Variants in MAN2B2 observed in about 807,000 individuals in gnomAD.
The protein encoded by MAN2B2 is epididymis-specific alpha-mannosidase.
In MAN2B2, 106 loss-of-function variants were observed where a neutral mutation model predicts 117.1. The ratio of observed to expected loss-of-function variants is 0.90; its 90% CI spans 0.77 to 1.06. MAN2B2 has a LOEUF of 1.06. Ranked by LOEUF, MAN2B2 falls within the 50% of genes least tolerant of loss-of-function variation. The pLI, the probability that MAN2B2 is intolerant of heterozygous loss-of-function variation, is 0.00. For missense variants in MAN2B2, 1,326 were observed against 1,381.4 expected (o/e 0.96, Z 0.64); for synonymous variants, 544 against 595.1 (o/e 0.91, Z 1.25).
chr4:6,583,288 T>TA (rs1366663542), intron 3 of MAN2B2, among the ~76,000 whole-genome samples: 1 of 152,204 alleles, frequency 6.6e-6, no homozygotes, highest in Non-Finnish European at 1.5e-5. Flanking sequence ...TGCTGGGGAA[T>TA]AGAGTCTATT....
At chr4:6,597,454 G>T (rs1727148598) in intron 8 of MAN2B2, 151 bp downstream of exon 8, 2 of 877,700 alleles carry the variant, frequency 2.3e-6, no homozygotes, top group Non-Finnish European at 3.3e-6. Context: ...TACAAGGCCA[G>T]TGCATGGTGA....
intron 7 of MAN2B2, among the ~76,000 whole-genome samples, chr4:6,595,271 C>G (rs1047619534): frequency 1.3e-5 from 2 of 152,208 alleles, no homozygotes; most frequent in African/African-American, 2.4e-5. Context: ...TGAAACCACC[C>G]TGTCTCCAAA....
Position 6,621,556 on chromosome 4 carries a change from C to G in MAN2B2, c.*271C>G, listed in dbSNP as rs150044496. 2 of 361,346 alleles carry G rather than the reference C, an allele frequency of 5.5e-6. No homozygotes were observed. The highest frequency in any genetic ancestry group is 7.5e-4 in the Middle Eastern group (1 of 1,332). The allele number at this position is 361,346 out of a possible 1,614,324, so 22.4% of individuals were successfully genotyped here. A position where few individuals can be genotyped will look rare whatever the true frequency, so the allele number is the denominator to read the frequency against. ...GTAAAGGATATTTGGCACACTCATGCGTCATTCATTCACAAAACACAAACC... is the reference window on the plus strand; with the variant it reads ...GTAAAGGATATTTGGCACACTCATGGGTCATTCATTCACAAAACACAAACC... On this transcript the variant is annotated 3_prime_UTR_variant, in exon 19 of 19. Transcript: ENST00000285599.
At chr4:6,603,061 T>C (rs947886527) in intron 10 of MAN2B2, among the ~76,000 whole-genome samples, 3 of 152,072 alleles carry the variant, frequency 2.0e-5, no homozygotes, top group Admixed American at 1.3e-4. Flanking sequence ...GTCACTCCCC[T>C]GCCTTTGGGA....
At chr4:6,604,048 A>G (rs1727436669) in intron 10 of MAN2B2, among the ~76,000 whole-genome samples, 1 of 152,122 alleles carries the variant, frequency 6.6e-6, no homozygotes, top group Non-Finnish European at 1.5e-5. Context: ...CGTGGGGATG[A>G]GAAGATTGGG....
At chr4:6,598,099 C>A in intron 8 of MAN2B2, 99 bp from the exon 9 acceptor site, 2 of 1,379,162 alleles carry the variant, frequency 1.5e-6, no homozygotes, top group Admixed American at 2.0e-5. Context: ...TGGCACCTGG[C>A]AAGCCAGAAT....
intron 17 of MAN2B2, 186 bp downstream of exon 17, chr4:6,617,678 T>C: frequency 8.3e-7 from 1 of 1,205,320 alleles, no homozygotes; most frequent in African/African-American, 1.5e-5. Flanking sequence ...CCTGGTTTTT[T>C]AGGGTTTTTT....
chr4:6,611,413 C>A, intron 15 of MAN2B2, 135 bp downstream of exon 15: 1 of 853,434 alleles, frequency 1.2e-6, no homozygotes, highest in Non-Finnish European at 1.8e-6. Flanking sequence ...GGACCTCTAG[C>A]CCAAGCCCCT....
intron 1 of MAN2B2, among the ~76,000 whole-genome samples, chr4:6,575,783 G>T (rs1007035264): frequency 2.0e-5 from 3 of 152,210 alleles, no homozygotes; most frequent in Non-Finnish European, 4.4e-5. Flanking sequence ...GGTGAAGGTG[G>T]ACCTGTGGTC....
intron 10 of MAN2B2, among the ~76,000 whole-genome samples, chr4:6,602,729 G>A (rs185095056): frequency 1.3e-5 from 2 of 151,500 alleles, no homozygotes; most frequent in African/African-American, 4.8e-5. Context: ...GAGTGCAGTG[G>A]CACAATCACA....
At chr4:6,608,874 G>T (rs1727644822) in intron 11 of MAN2B2, among the ~76,000 whole-genome samples, 1 of 152,198 alleles carries the variant, frequency 6.6e-6, no homozygotes, top group Admixed American at 6.5e-5. Context: ...CACGGTTCCT[G>T]TCTGCAGGCT....
chr4:6,587,324 G>A (rs1205110409), intron 4 of MAN2B2, among the ~76,000 whole-genome samples, 156 bp downstream of exon 4: 2 of 152,188 alleles, frequency 1.3e-5, no homozygotes, highest in Non-Finnish European at 2.9e-5. Flanking sequence ...CTTTGCTCTT[G>A]TCGCCTCCTC....
intron 7 of MAN2B2, among the ~76,000 whole-genome samples, chr4:6,596,036 G>A (rs1727063331): frequency 6.6e-6 from 1 of 152,200 alleles, no homozygotes. Context: ...ATGGTGAGGT[G>A]GGTGGGGTAG....
At position 6,617,419 on chromosome 4, in the gene MAN2B2, T is replaced by C. The variant is rs776314741; in HGVS notation, c.2741T>C (p.Leu914Pro). Residue 914 changes from leucine to proline, a missense_variant, in exon 17 of 19, where the codon CTG becomes CCG. Physicochemically the swap from Leu to Pro is moderately conservative, Grantham distance 98 (BLOSUM62 -3). Transcript: ENST00000285599. ...GEAQADLRRV[L>P]LRLYHLYEVG... The stretch of plus-strand genomic sequence containing the variant: ...GCCCAGGCTGACCTCCGCCGTGTCC[T>C]GCTGCGGCTCTACCACCTATATGAA... The C allele has an allele frequency of 2.0e-5, 33 of 1,614,062 alleles. No homozygotes were observed. In the South Asian group the frequency reaches 3.5e-4, roughly 17 times the overall value.
In MAN2B2 at chr4:6,598,354, G is replaced by A. The variant is rs368166995; in HGVS notation, c.1405G>A (p.Asp469Asn). 79 of 1,611,314 alleles carry A rather than the reference G, an allele frequency of 4.9e-5. No homozygotes were observed. Among genetic ancestry groups the A allele is most frequent in the South Asian group, 3.0e-4 (27 of 90,992 alleles). ...CCAGGCACCCATGGCGGCCAGCTCC[G>A]GTGAGCAGGGCCCTGCAGGGAGGCT... Reference protein sequence around the residue: ...QPQAPMAASSDAGPAGHFASV... With the variant: ...QPQAPMAASSNAGPAGHFASV... Residue 469 changes from aspartate (D) to asparagine (N), a missense_variant and splice_region_variant, in exon 9 of 19, where the codon GAT becomes AAT. Coordinates refer to ENST00000285599, the MANE Select transcript of MAN2B2 (RefSeq NM_015274.3).
At position 6,578,357 on chromosome 4, in the gene MAN2B2, TA is replaced by T. The variant is rs756204081; in HGVS notation, c.286-34del. 4.6e-6 allele frequency: 7 copies of T among 1,535,978 alleles called. No individual in the cohort carries two copies. In the East Asian group the frequency reaches 1.6e-4, roughly 35 times the overall value. The stretch of plus-strand genomic sequence containing the variant: ...CAGACCCAGCCATGCTCAGGAGCCG[TA>T]ACTGGCTTTTTTCTCTCTGCCTGCC... On this transcript the variant is annotated intron_variant, in intron 2 of 18. Coordinates refer to ENST00000285599, the MANE Select transcript of MAN2B2 (RefSeq NM_015274.3).
At position 6,600,651 on chromosome 4, in the gene MAN2B2, G is replaced by A. The variant is rs73796294; in HGVS notation, c.1434G>A (p.Ser478=). The A allele has an allele frequency of 6.5e-3, 10,507 of 1,613,868 alleles. 553 individuals carry two copies. In the African/African-American group the frequency reaches 0.12, roughly 18 times the overall value. ...SDAGPAGHFA[S]VYNPLAWTVT... is the part of the protein sequence containing the mutation. ...CAGGACCTGCAGGACATTTTGCCTC[G>A]GTCTACAACCCGCTGGCCTGGACGG... is the stretch of plus-strand genomic sequence containing the variant. The change falls in exon 10 of 19, where the codon TCG becomes TCA. Residue 478 remains serine (S), a synonymous_variant. Coordinates refer to ENST00000285599, the MANE Select transcript of MAN2B2 (RefSeq NM_015274.3).
In MAN2B2 at chr4:6,605,366, A is replaced by G. The variant is rs377239999; in HGVS notation, c.1814+37A>G. 114 of 1,576,670 alleles carry G rather than the reference A, an allele frequency of 7.2e-5. No individual in the cohort carries two copies. In the African/African-American group the frequency reaches 1.4e-3, roughly 19 times the overall value. On this transcript the variant is annotated intron_variant, in intron 11 of 18. Coordinates refer to ENST00000285599, the MANE Select transcript of MAN2B2 (RefSeq NM_015274.3). ...CCATTGCTGTCTCTGAGGCACAGGC[A>G]TGCCTGGAGCCTGGGCATGTCAGGC... is the stretch of plus-strand genomic sequence containing the variant.
At chr4:6,588,364 C>T (rs556275512) in intron 4 of MAN2B2, among the ~76,000 whole-genome samples, 4 of 152,190 alleles carry the variant, frequency 2.6e-5, no homozygotes, top group African/African-American at 9.7e-5. Context: ...TTTCTGAGGA[C>T]ACCCATCCTA....
Sources: allele counts gnomAD v4.1 joint callset (sites outside exome capture counted in the v4.1 genomes callset), GRCh38; gene constraint gnomAD v4.1.1; transcripts MANE v1.5; gene names NCBI Gene and HGNC (gene_info 2026-07-23, HGNC 2026-07-21).